The following REEP5 variants were observed in gnomAD, a reference collection of about 807,000 sequenced individuals.
The protein encoded by REEP5 is receptor expression-enhancing protein 5.
Under a neutral mutation model 22.4 loss-of-function variants are expected in REEP5, and 24 were observed. The ratio of observed to expected loss-of-function variants is 1.07; its 90% CI spans 0.78 to 1.51. The LOEUF is 1.51. REEP5 is among the 40% of genes most tolerant of loss of function. REEP5 has a pLI of 0.00. For missense variants in REEP5, 252 were observed against 233.0 expected (o/e 1.08, Z -0.53); for synonymous variants, 103 against 88.6 (o/e 1.16, Z -0.92).
intron 2 of REEP5, 54 bp downstream of exon 2, chr5:112,921,109 C>G: frequency 1.3e-6 from 2 of 1,558,902 alleles, no homozygotes; most frequent in Non-Finnish European, 1.8e-6. Context: ...TGCAGCAGCC[C>G]TGCGGGGAGG....
At chr5:112,911,047 G>A (rs778705544) in intron 2 of REEP5, among the ~76,000 whole-genome samples, 1 of 152,176 alleles carries the variant, frequency 6.6e-6, no homozygotes, top group African/African-American at 2.4e-5. Flanking sequence ...AAGGAAATAC[G>A]GTAGAAGGCT....
chr5:112,881,060 T>C (rs1396418940), intron 4 of REEP5, among the ~76,000 whole-genome samples: 1 of 127,376 alleles, frequency 7.9e-6, no homozygotes. Context: ...ACCTGGAAGG[T>C]GGAGGCTGCA....
chr5:112,916,642 A>G (rs915875459), intron 2 of REEP5, among the ~76,000 whole-genome samples: 2 of 152,160 alleles, frequency 1.3e-5, no homozygotes, highest in Non-Finnish European at 2.9e-5. Flanking sequence ...AAAGGCCTAC[A>G]TTTTTTAATT....
chr5:112,903,185 T>C (rs153545), intron 2 of REEP5, among the ~76,000 whole-genome samples: 54,922 of 152,094 alleles, frequency 0.36, 10,279 homozygotes, highest in African/African-American at 0.46. Context: ...TTTAAAATAA[T>C]TTTCTAAATC....
intron 4 of REEP5, among the ~76,000 whole-genome samples, 182 bp from the exon 5 acceptor site, chr5:112,879,017 C>T (rs138456295): frequency 1.6e-4 from 24 of 151,852 alleles, no homozygotes; most frequent in African/African-American, 5.3e-4. Context: ...GGAGAAGGTA[C>T]CTCTTAGAGC....
At chr5:112,920,768 G>A (rs1022153721) in intron 2 of REEP5, among the ~76,000 whole-genome samples, 1 of 152,028 alleles carries the variant, frequency 6.6e-6, no homozygotes, top group African/African-American at 2.4e-5. Context: ...TAATTGATAG[G>A]GTTTTACTCT....
intron 4 of REEP5, among the ~76,000 whole-genome samples, chr5:112,883,300 CTG>C (rs1363444235): frequency 4.6e-5 from 7 of 152,318 alleles, no homozygotes; most frequent in Admixed American, 1.3e-4. Flanking sequence ...TCCACAAAAT[CTG>C]TGTTATCAAA....
At chr5:112,889,672 T>C (rs1391506513) in intron 3 of REEP5, among the ~76,000 whole-genome samples, 3 of 150,368 alleles carry the variant, frequency 2.0e-5, no homozygotes, top group East Asian at 4.0e-4. Flanking sequence ...TCTGCAATCA[T>C]AGATTTTAAC....
chr5:112,889,980 C>T (rs1322499410), intron 3 of REEP5, among the ~76,000 whole-genome samples: 2 of 150,432 alleles, frequency 1.3e-5, no homozygotes, highest in African/African-American at 5.0e-5. Context: ...GCAAACACCA[C>T]CATGCCCAGC....
At chr5:112,906,815 C>G (rs551872575) in intron 2 of REEP5, among the ~76,000 whole-genome samples, 1 of 152,282 alleles carries the variant, frequency 6.6e-6, no homozygotes, top group East Asian at 1.9e-4. Context: ...CCTCAAAGTT[C>G]CAGTCTTCAC....
At chr5:112,913,820 GATTTCC>G (rs752631495) in intron 2 of REEP5, among the ~76,000 whole-genome samples, 40 of 152,130 alleles carry the variant, frequency 2.6e-4, no homozygotes, top group Non-Finnish European at 1.6e-4. Context: ...TTGTGGCCTT[GATTTCC>G]ACATCTGTTA....
chr5:112,921,212 C>T lies in REEP5; in HGVS notation c.163G>A (p.Ala55Thr). ...CCTATCAGGTTGCAGAGGAGAGAGG[C>T]TCCATAACCGAACACCAGGTACAAG... ...VALYLVFGYGASLLCNLIGFG... is the reference protein window; with the variant it reads ...VALYLVFGYGTSLLCNLIGFG... The change falls in exon 2 of 5, where the codon GCC becomes ACC. Residue 55 changes from alanine (A) to threonine (T), a missense_variant. Transcript: ENST00000379638. The T allele has an allele frequency of 6.2e-7, 1 of 1,614,140 alleles. No individual in the cohort carries two copies. Among genetic ancestry groups the T allele is most frequent in the East Asian group, 2.2e-5 (1 of 44,870 alleles).
intron 4 of REEP5, among the ~76,000 whole-genome samples, chr5:112,880,645 CCTAA>C: frequency 6.6e-6 from 1 of 152,330 alleles, no homozygotes; most frequent in Non-Finnish European, 1.5e-5. Context: ...GTAAATTCCT[CCTAA>C]CTTATTTTAA....
intron 2 of REEP5, among the ~76,000 whole-genome samples, chr5:112,911,414 T>C (rs941519852): frequency 6.6e-6 from 1 of 152,234 alleles, no homozygotes; most frequent in Non-Finnish European, 1.5e-5. Context: ...TGTGCTCTTC[T>C]TCTTTTGCTG....
At position 112,921,198 on chromosome 5, in the gene REEP5, G is replaced by A. The variant is rs1432623563; in HGVS notation, c.177C>T (p.Cys59=). Residue 59 remains cysteine (C), a synonymous_variant, in exon 2 of 5, where the codon TGC becomes TGT. Transcript: ENST00000379638. ...LVFGYGASLL[C]NLIGFGYPAY... ...CTGGGTAGCCAAATCCTATCAGGTT[G>A]CAGAGGAGAGAGGCTCCATAACCGA... 2 of 1,614,168 alleles carry A rather than the reference G, an allele frequency of 1.2e-6. No homozygotes were observed. Among genetic ancestry groups the A allele is most frequent in the Admixed American group, 1.7e-5 (1 of 60,028 alleles).
chr5:112,908,925 G>C (rs908116521), intron 2 of REEP5, among the ~76,000 whole-genome samples: 1 of 146,166 alleles, frequency 6.8e-6, no homozygotes. Flanking sequence ...TTTTGTTTTA[G>C]AGCATTAAAA....
rs530310426 is a variant in REEP5, at chr5:112,900,644, G to T, written c.351+1736C>A. On this transcript the variant is annotated intron_variant, in intron 3 of 4. Transcript: ENST00000379638. ...CTTTGACCTGAGGAGCTCTTCTGTA[G>T]GTGAAGAGTGGTTAACTATGGTTCC... 1.2e-4 allele frequency among the ~76,000 whole-genome samples: 19 copies of T among 152,146 alleles called. No individual in the cohort carries two copies. The South Asian group carries it at 4.0e-3, about 32-fold the overall frequency.
At chr5:112,914,408 T>C (rs558529546) in intron 2 of REEP5, among the ~76,000 whole-genome samples, 69 of 151,924 alleles carry the variant, frequency 4.5e-4, no homozygotes, top group Non-Finnish European at 8.7e-4. Context: ...TACTAATTTT[T>C]TGTATTTTTT....
At chr5:112,909,753 C>A (rs1324266375) in intron 2 of REEP5, among the ~76,000 whole-genome samples, 1 of 152,138 alleles carries the variant, frequency 6.6e-6, no homozygotes, top group Non-Finnish European at 1.5e-5. Context: ...CCTTGCTGGC[C>A]CATCTACTTG....
Sources: gnomAD v4.1 joint callset for allele counts (sites outside exome capture counted in the v4.1 genomes callset) on GRCh38, gnomAD v4.1.1 for gene constraint, MANE v1.5 for transcripts, NCBI Gene and HGNC (gene_info 2026-07-23, HGNC 2026-07-21) for gene names.